WWP1: variants seen among roughly 807,000 people sequenced by gnomAD.
WWP1 encodes NEDD4-like E3 ubiquitin-protein ligase WWP1.
In WWP1, 49 loss-of-function variants were observed where a neutral mutation model predicts 130.6. The ratio of observed to expected loss-of-function variants is 0.38; its 90% CI spans 0.30 to 0.48. The LOEUF (loss-of-function observed/expected upper bound fraction) is 0.48, where lower values mean the gene tolerates loss of function less well. Ranked by LOEUF, WWP1 falls within the 20% of genes least tolerant of loss-of-function variation. The probability of loss-of-function intolerance (pLI) is 0.99; values close to 1 mark genes in which losing one functional copy is unlikely to be tolerated. For missense variants in WWP1, 809 were observed against 1,100.6 expected, an observed-to-expected ratio of 0.74 and a Z score of 3.75; for synonymous variants, 332 against 367.8, an observed-to-expected ratio of 0.90 and a Z score of 1.11.
chr8:86,431,521 T>TG, intron 13 of WWP1, 31 bp downstream of exon 13: 1 of 1,611,678 alleles, frequency 6.2e-7, no homozygotes, highest in Non-Finnish European at 8.5e-7. Flanking sequence ...TAAGTCGTCT[T>TG]GCATATATCA....
chr8:86,384,423 T>G (rs1234105781), intron 5 of WWP1, among the ~76,000 whole-genome samples: 3 of 152,188 alleles, frequency 2.0e-5, no homozygotes, highest in East Asian at 1.9e-4. Flanking sequence ...AAAATTAGAT[T>G]TTAATTTAAG....
chr8:86,409,427 G>T (rs1303053082), intron 8 of WWP1, among the ~76,000 whole-genome samples: 2 of 149,300 alleles, frequency 1.3e-5, no homozygotes, highest in South Asian at 2.1e-4. Flanking sequence ...GTAGAGACAG[G>T]GTTTCACCGT....
chr8:86,394,097 T>C (rs1032563406), intron 5 of WWP1, among the ~76,000 whole-genome samples: 1 of 152,262 alleles, frequency 6.6e-6, no homozygotes, highest in Admixed American at 6.5e-5. Context: ...TTTTAGCCAG[T>C]AAGTTTCAGA....
intron 1 of WWP1, among the ~76,000 whole-genome samples, chr8:86,351,451 A>G (rs1419613103): frequency 6.7e-6 from 1 of 149,750 alleles, no homozygotes; most frequent in Non-Finnish European, 1.5e-5. Context: ...CAATCCTCCC[A>G]CCTCAGCCCC....
rs1455949521 is a variant in WWP1 at position 86,468,197 on chromosome 8, T to C, written c.*1304T>C. 3.9e-6 allele frequency: 1 copy of C among 257,384 alleles called. No individual in the cohort carries two copies. Among genetic ancestry groups the C allele is most frequent in the East Asian group, 1.1e-4 (1 of 9,098 alleles). 15.9% of individuals were successfully genotyped at this position (257,384 alleles called of 1,614,324 possible). ...TAACTTAAACATTTTTTAATAGCCA[T>C]GGAACTGACTTCTTAAAATCTGTTG... On this transcript the variant is annotated 3_prime_UTR_variant, in exon 25 of 25. Transcript: ENST00000517970.
chr8:86,398,352 G>A lies in WWP1; in HGVS notation c.345G>A (p.Val115=). The A allele has an allele frequency of 6.3e-7, 1 of 1,596,932 alleles. No individual in the cohort carries two copies. Among genetic ancestry groups the A allele is most frequent in the Non-Finnish European group, 8.5e-7 (1 of 1,169,722 alleles). ...LLIHNRKLER[V]KEQLKLSLEN... is the part of the protein sequence containing the mutation. ...TATTCTTCTTTCTAGTGGAAAGAGT[G>A]AAAGAACAATTAAAACTTTCCTTGG... is the stretch of plus-strand genomic sequence containing the variant. Residue 115 remains valine, a synonymous_variant, in exon 6 of 25, where the codon GTG becomes GTA. Coordinates refer to ENST00000517970, the MANE Select transcript of WWP1 (RefSeq NM_007013.4).
chr8:86,427,707 ACGTG>A lies in WWP1; in HGVS notation c.1223_1226del (p.Thr408SerfsTer40). On this transcript the variant is annotated frameshift_variant, in exon 11 of 25. Coordinates refer to ENST00000517970, the MANE Select transcript of WWP1 (RefSeq NM_007013.4). LOFTEE classifies it high-confidence loss of function. ...TGTGGATCATAACACCAGAACAACA[ACGTG>A]GCAGCGGCCTACCATGGAATCTGTC... The A allele has an allele frequency of 6.2e-7, 1 of 1,614,044 alleles. No individual in the cohort carries two copies. The highest frequency in any genetic ancestry group is 8.5e-7 in the Non-Finnish European group (1 of 1,179,946).
intron 5 of WWP1, among the ~76,000 whole-genome samples, chr8:86,390,536 A>G (rs1208976395): frequency 1.3e-5 from 2 of 152,174 alleles, no homozygotes. Context: ...CCACCAAAAA[A>G]TACAAAAACC....
At chr8:86,390,140 A>G (rs1825562511) in intron 5 of WWP1, among the ~76,000 whole-genome samples, 1 of 147,318 alleles carries the variant, frequency 6.8e-6, no homozygotes, top group African/African-American at 2.5e-5. Context: ...GACGATGGGC[A>G]GCCGGGCAGA....
At chr8:86,434,930 T>C (rs1041856859) in intron 14 of WWP1, among the ~76,000 whole-genome samples, 15 of 152,228 alleles carry the variant, frequency 9.9e-5, no homozygotes, top group Non-Finnish European at 2.1e-4. Context: ...CAAACCATAT[T>C]GTAAAACCTG....
At chr8:86,356,189 G>T (rs955423504) in intron 1 of WWP1, among the ~76,000 whole-genome samples, 1 of 152,062 alleles carries the variant, frequency 6.6e-6, no homozygotes, top group African/African-American at 2.4e-5. Flanking sequence ...TGTGTTTTCT[G>T]CATCACTCAG....
intron 21 of WWP1, among the ~76,000 whole-genome samples, chr8:86,456,918 A>G (rs532342372): frequency 6.6e-6 from 1 of 151,974 alleles, no homozygotes; most frequent in African/African-American, 2.4e-5. Flanking sequence ...TCTTAAAAGG[A>G]CAAATATAAT....
In WWP1 at chr8:86,466,956, A is replaced by G; in HGVS notation, c.*63A>G. On this transcript the variant is annotated 3_prime_UTR_variant, in exon 25 of 25. Coordinates refer to ENST00000517970, the MANE Select transcript of WWP1 (RefSeq NM_007013.4). ...ATACCCCAGCCAAGAAAAATTGCAC[A>G]GATAGTGTATATAAGCTGTTCATTC... The G allele has an allele frequency of 8.1e-7, 1 of 1,235,468 alleles. No individual in the cohort carries two copies. Among genetic ancestry groups the G allele is most frequent in the Non-Finnish European group, 1.2e-6 (1 of 850,504 alleles). The allele number at this position is 1,235,468 out of a possible 1,614,324, so 76.5% of individuals were successfully genotyped here.
intron 5 of WWP1, among the ~76,000 whole-genome samples, chr8:86,386,064 G>A (rs1475502001): frequency 6.6e-6 from 1 of 152,122 alleles, no homozygotes; most frequent in Non-Finnish European, 1.5e-5. Flanking sequence ...TCTTAGTTCA[G>A]TTTGTCTAAT....
At chr8:86,365,694 G>A (rs1223701090) in intron 1 of WWP1, among the ~76,000 whole-genome samples, 1 of 152,172 alleles carries the variant, frequency 6.6e-6, no homozygotes, top group Non-Finnish European at 1.5e-5. Context: ...GGGTCACAGT[G>A]GTTGATGCCT....
At chr8:86,438,473 TATAAG>T (rs1275984599) in intron 16 of WWP1, 107 bp from the exon 17 acceptor site, 5 of 779,288 alleles carry the variant, frequency 6.4e-6, no homozygotes, top group Non-Finnish European at 9.6e-6. Flanking sequence ...AAAAGCATTG[TATAAG>T]ATAAGGAAAT....
intron 1 of WWP1, among the ~76,000 whole-genome samples, chr8:86,368,457 A>G (rs1400936863): frequency 7.4e-6 from 1 of 134,552 alleles, no homozygotes; most frequent in Admixed American, 7.3e-5. Flanking sequence ...CAAAGACCTT[A>G]TATGTATCCT....
intron 5 of WWP1, among the ~76,000 whole-genome samples, chr8:86,395,228 A>C (rs1298115757): frequency 1.3e-5 from 2 of 152,300 alleles, no homozygotes; most frequent in East Asian, 1.9e-4. Flanking sequence ...CCATAAGCAG[A>C]GGTTGTCCAT....
intron 9 of WWP1, among the ~76,000 whole-genome samples, chr8:86,423,658 A>G (rs1028497711): frequency 3.3e-5 from 5 of 152,280 alleles, no homozygotes; most frequent in East Asian, 1.9e-4. Flanking sequence ...TGATTTCTCT[A>G]TCTTTTCCCC....
Sources: gnomAD v4.1 joint callset for allele counts (sites outside exome capture counted in the v4.1 genomes callset) on GRCh38, gnomAD v4.1.1 for gene constraint, MANE v1.5 for transcripts, NCBI Gene and HGNC (gene_info 2026-07-23, HGNC 2026-07-21) for gene names.